The following FAT3 variants were observed in gnomAD, a reference collection of about 807,000 sequenced individuals.
FAT3 encodes the protein FAT atypical cadherin 3.
FAT3 carries 95 observed loss-of-function variants against 310.2 expected under a neutral mutation model. The ratio of observed to expected loss-of-function variants is 0.31; its 90% CI spans 0.26 to 0.36. FAT3 has a LOEUF of 0.36. Among genes scored for constraint, FAT3 ranks in the 10% least tolerant of loss-of-function variants. FAT3 has a pLI of 1.00. For synonymous variants in FAT3, 2,314 were observed against 2,192.9 expected (o/e 1.06, Z -1.54); for missense variants, 5,408 against 5,715.6 (o/e 0.95, Z 1.74).
At chr11:92,437,879 G>A (rs1485071771) in intron 2 of FAT3, among the ~76,000 whole-genome samples, 2 of 152,108 alleles carry the variant, frequency 1.3e-5, no homozygotes, top group Non-Finnish European at 2.9e-5. Context: ...GGTCACTGAT[G>A]GCTTTAATTG....
chr11:92,685,390 C>T (rs1294480302), intron 3 of FAT3, among the ~76,000 whole-genome samples: 1 of 151,918 alleles, frequency 6.6e-6, no homozygotes, highest in African/African-American at 2.4e-5. Context: ...AAACCCATAG[C>T]AATAATCATC....
At chr11:92,667,058 C>T (rs1942977186) in intron 3 of FAT3, among the ~76,000 whole-genome samples, 1 of 151,878 alleles carries the variant, frequency 6.6e-6, no homozygotes, top group African/African-American at 2.4e-5. Flanking sequence ...TATCTCTTGC[C>T]AGCACAGACC....
chr11:92,307,251 C>T (rs1947165726), intron 1 of FAT3, among the ~76,000 whole-genome samples: 1 of 151,362 alleles, frequency 6.6e-6, no homozygotes, highest in African/African-American at 2.4e-5. Flanking sequence ...TAACACAGCC[C>T]GTTTACATCC....
At chr11:92,593,352 A>G (rs1939535929) in intron 3 of FAT3, among the ~76,000 whole-genome samples, 1 of 151,454 alleles carries the variant, frequency 6.6e-6, no homozygotes, top group Non-Finnish European at 1.5e-5. Flanking sequence ...TGGTAATTTT[A>G]TTGAGGAATT....
chr11:92,686,383 T>G (rs745552973), intron 3 of FAT3, among the ~76,000 whole-genome samples: 2 of 152,192 alleles, frequency 1.3e-5, no homozygotes, highest in East Asian at 3.9e-4. Context: ...AAATGGTGGT[T>G]GTTAAAATTG....
intron 3 of FAT3, among the ~76,000 whole-genome samples, chr11:92,527,321 A>G (rs1953900061): frequency 6.6e-6 from 1 of 152,152 alleles, no homozygotes; most frequent in African/African-American, 2.4e-5. Context: ...TAGTGAGTAA[A>G]AATAGTTGCA....
intron 2 of FAT3, among the ~76,000 whole-genome samples, chr11:92,424,041 GGGTGGACACCTACAAA>G (rs1398289802): frequency 2.0e-5 from 3 of 152,112 alleles, no homozygotes; most frequent in Admixed American, 6.6e-5. Flanking sequence ...GACAAATGGA[GGGTGGACACCTACAAA>G]GGTTTTGTTT....
intron 1 of FAT3, among the ~76,000 whole-genome samples, chr11:92,346,461 T>C (rs1948423740): frequency 6.6e-6 from 1 of 152,172 alleles, no homozygotes; most frequent in Non-Finnish European, 1.5e-5. Flanking sequence ...TGGCATTGAC[T>C]CTGACCCCTG....
At chr11:92,744,408 G>A (rs1483724606) in intron 4 of FAT3, among the ~76,000 whole-genome samples, 1 of 152,100 alleles carries the variant, frequency 6.6e-6, no homozygotes, top group African/African-American at 2.4e-5. Flanking sequence ...AAACTCAAAT[G>A]CCCACAGAAC....
chr11:92,292,144 A>G (rs1262548473), intron 1 of FAT3, among the ~76,000 whole-genome samples: 1 of 152,052 alleles, frequency 6.6e-6, no homozygotes, highest in Non-Finnish European at 1.5e-5. Flanking sequence ...GTATTTATTA[A>G]TGGATATTGG....
chr11:92,880,472 G>A (rs1020244458), intron 22 of FAT3, among the ~76,000 whole-genome samples: 3 of 151,790 alleles, frequency 2.0e-5, no homozygotes, highest in South Asian at 2.1e-4. Flanking sequence ...TGTCCCTTGG[G>A]TGGGTCTTAC....
intron 3 of FAT3, among the ~76,000 whole-genome samples, chr11:92,618,535 A>C (rs1025638681): frequency 3.9e-5 from 6 of 152,180 alleles, no homozygotes; most frequent in Non-Finnish European, 8.8e-5. Flanking sequence ...GGAAATGCAG[A>C]AATCACCCGT....
At chr11:92,745,774 A>T (rs1945648014) in intron 4 of FAT3, among the ~76,000 whole-genome samples, 1 of 152,288 alleles carries the variant, frequency 6.6e-6, no homozygotes, top group South Asian at 2.1e-4. Context: ...AGATACCTTC[A>T]TTGTCCTGAA....
At chr11:92,451,879 G>A (rs1951361795) in intron 2 of FAT3, among the ~76,000 whole-genome samples, 1 of 152,196 alleles carries the variant, frequency 6.6e-6, no homozygotes. Flanking sequence ...CCCAAGCTAT[G>A]ATGGTGCCCC....
intron 4 of FAT3, among the ~76,000 whole-genome samples, chr11:92,746,426 T>A (rs1383267247): frequency 6.6e-6 from 1 of 152,308 alleles, no homozygotes; most frequent in African/African-American, 2.4e-5. Context: ...CGCCCATGAT[T>A]CATTTATCGC....
chr11:92,802,671 G>A (rs1276157073), intron 10 of FAT3, among the ~76,000 whole-genome samples: 1 of 152,080 alleles, frequency 6.6e-6, no homozygotes, highest in Admixed American at 6.5e-5. Context: ...AAACTATTTG[G>A]GGGGTGGGTT....
At chr11:92,817,233 TGAA>T (rs1365411262) in intron 13 of FAT3, among the ~76,000 whole-genome samples, 1 of 152,050 alleles carries the variant, frequency 6.6e-6, no homozygotes, top group Non-Finnish European at 1.5e-5. Flanking sequence ...CAGTAAGAAA[TGAA>T]GAAGAGAACA....
intron 2 of FAT3, among the ~76,000 whole-genome samples, chr11:92,489,538 A>G (rs1419866295): frequency 6.6e-6 from 1 of 152,138 alleles, no homozygotes; most frequent in African/African-American, 2.4e-5. Flanking sequence ...GCCATGGAAC[A>G]TAGAGGAGAG....
chr11:92,262,697 A>T (rs1865606518), intron 1 of FAT3, among the ~76,000 whole-genome samples: 1 of 152,166 alleles, frequency 6.6e-6, no homozygotes, highest in African/African-American at 2.4e-5. Flanking sequence ...TTGATATTTT[A>T]GTACATATCT....
Sources: allele counts gnomAD v4.1 joint callset (sites outside exome capture counted in the v4.1 genomes callset), GRCh38; gene constraint gnomAD v4.1.1; transcripts MANE v1.5; gene names NCBI Gene and HGNC (gene_info 2026-07-23, HGNC 2026-07-21).